Variants in RIMS2 observed in about 807,000 individuals in gnomAD.
The protein encoded by RIMS2 is regulating synaptic membrane exocytosis 2.
Under a neutral mutation model 174.4 loss-of-function variants are expected in RIMS2, and 59 were observed. The ratio of observed to expected loss-of-function variants is 0.34; its 90% CI spans 0.27 to 0.42. The LOEUF (loss-of-function observed/expected upper bound fraction) is 0.42, where lower values mean the gene tolerates loss of function less well. Ranked by LOEUF, RIMS2 falls within the 10% of genes least tolerant of loss-of-function variation. RIMS2 has a pLI of 1.00. For missense variants in RIMS2, 1,620 were observed against 1,666.3 expected (o/e 0.97, Z 0.48); for synonymous variants, 606 against 572.5 (o/e 1.06, Z -0.84).
At chr8:104,020,049 C>T (rs2096045508) in intron 19 of RIMS2, among the ~76,000 whole-genome samples, 1 of 151,988 alleles carries the variant, frequency 6.6e-6, no homozygotes. Context: ...TTTAAATTAA[C>T]ATAAAAGCAT....
intron 3 of RIMS2, among the ~76,000 whole-genome samples, chr8:103,796,687 A>G (rs1253408662): frequency 6.6e-6 from 1 of 152,216 alleles, no homozygotes. Context: ...ACAAATATTT[A>G]TTGAGTATTG....
At chr8:104,242,383 C>G (rs1177416516) in intron 19 of RIMS2, among the ~76,000 whole-genome samples, 1 of 152,122 alleles carries the variant, frequency 6.6e-6, no homozygotes. Context: ...CTAATCTCAT[C>G]TAATGTCAAA....
At chr8:103,785,216 C>G (rs919926204) in intron 3 of RIMS2, among the ~76,000 whole-genome samples, 1 of 147,028 alleles carries the variant, frequency 6.8e-6, no homozygotes, top group East Asian at 2.0e-4. Context: ...CATCTGCAAA[C>G]AGGGACAATT....
intron 1 of RIMS2, among the ~76,000 whole-genome samples, chr8:103,525,050 A>C (rs763096617): frequency 4.6e-5 from 7 of 152,228 alleles, no homozygotes; most frequent in Non-Finnish European, 7.3e-5. Flanking sequence ...ATAGTCTGAA[A>C]TAAGAGCAGG....
Position 103,611,427 on chromosome 8 carries a change from G to A in RIMS2, c.177-85659G>A, listed in dbSNP as rs879517393. Among the ~76,000 whole-genome samples the A allele has an allele frequency of 1.6e-4, 24 of 151,700 alleles. 2 individuals carry two copies. The highest frequency in any genetic ancestry group is 1.2e-3 in the Admixed American group (19 of 15,234). On this transcript the variant is annotated intron_variant, in intron 1 of 23. Coordinates refer to ENST00000504942, the Ensembl canonical transcript of RIMS2. ...TTGTGTTTTCAGATGATTTCTTCTT[G>A]CCCATTAACATTTGTGTTTTTCAGA...
intron 1 of RIMS2, among the ~76,000 whole-genome samples, chr8:103,513,249 G>T (rs574827732): frequency 1.3e-5 from 2 of 152,272 alleles, no homozygotes; most frequent in African/African-American, 4.8e-5. Context: ...TTTATGGTTA[G>T]TCTTGGATAG....
chr8:103,657,700 C>G (rs2096547740), intron 1 of RIMS2, among the ~76,000 whole-genome samples: 3 of 152,122 alleles, frequency 2.0e-5, no homozygotes, highest in Admixed American at 2.0e-4. Flanking sequence ...AGCAAACGTT[C>G]CTGCCCATGT....
chr8:104,252,079 G>C, downstream of RIMS2: 1 of 496,644 alleles, frequency 2.0e-6, no homozygotes, highest in Non-Finnish European at 3.6e-6. Context: ...CCAATCTGAA[G>C]CCATGGATTA....
intron 16 of RIMS2, among the ~76,000 whole-genome samples, chr8:103,982,438 T>TAA (rs57698633): frequency 4.1e-4 from 35 of 86,362 alleles, no homozygotes; most frequent in African/African-American, 1.3e-3. Flanking sequence ...CAAAGACACA[T>TAA]AAAAAAAAAA....
chr8:103,540,068 A>G lies in RIMS2; in HGVS notation c.176+39006A>G, dbSNP rs62527070. 1.9e-3 allele frequency among the ~76,000 whole-genome samples: 293 copies of G among 152,222 alleles called. 1 individual carries two copies. The highest frequency in any genetic ancestry group is 3.6e-3 in the Non-Finnish European group (248 of 68,012). On this transcript the variant is annotated intron_variant, in intron 1 of 23. Coordinates refer to ENST00000504942, the Ensembl canonical transcript of RIMS2. The stretch of plus-strand genomic sequence containing the variant: ...TCACAAGCATCATGTACTATTTCCA[A>G]TATGGCAGTGGGGTTGCCTGTGCCA...
chr8:103,629,692 C>G (rs531481595), intron 1 of RIMS2, among the ~76,000 whole-genome samples: 1 of 151,838 alleles, frequency 6.6e-6, no homozygotes, highest in East Asian at 1.9e-4. Context: ...ATGATTAATT[C>G]CAAATATTTT....
chr8:104,002,650 T>A (rs1243821623), intron 17 of RIMS2, among the ~76,000 whole-genome samples: 1 of 152,164 alleles, frequency 6.6e-6, no homozygotes, highest in Non-Finnish European at 1.5e-5. Flanking sequence ...AGTTGGGCCA[T>A]AGTTTGGCTA....
intron 19 of RIMS2, among the ~76,000 whole-genome samples, chr8:104,088,502 G>T (rs191088574): frequency 6.6e-5 from 10 of 152,038 alleles, no homozygotes; most frequent in Admixed American, 2.6e-4. Context: ...TGGTATTCAG[G>T]TATCCATGTA....
chr8:103,571,460 G>C (rs146970058), intron 1 of RIMS2, among the ~76,000 whole-genome samples: 2,023 of 152,188 alleles, frequency 0.013, 24 homozygotes, highest in Non-Finnish European at 0.02. Flanking sequence ...GAATAAAGCT[G>C]CTTTCCTTTT....
chr8:103,585,828 T>C (rs987763308), intron 1 of RIMS2, among the ~76,000 whole-genome samples: 9 of 151,688 alleles, frequency 5.9e-5, no homozygotes, highest in African/African-American at 2.2e-4. Flanking sequence ...CATACCACCA[T>C]GACACATGTA....
At chr8:103,969,782 C>G (rs759750091) in intron 15 of RIMS2, among the ~76,000 whole-genome samples, 17 of 152,084 alleles carry the variant, frequency 1.1e-4, no homozygotes, top group Non-Finnish European at 2.2e-4. Context: ...GGGACTCGCT[C>G]AGTCGCCCAG....
In RIMS2 at chr8:103,920,763, G is replaced by T. The variant is rs761443955; in HGVS notation, c.2084-909G>T. On this transcript the variant is annotated intron_variant, in intron 9 of 23. Coordinates refer to ENST00000504942, the Ensembl canonical transcript of RIMS2. ...CCAGCACTTTGGGAGGCCGAGGCGG[G>T]CGGATCACGAGGTCAGGAGATCGAG... is the stretch of plus-strand genomic sequence containing the variant. 19 of 451,900 alleles carry T rather than the reference G, an allele frequency of 4.2e-5. No homozygotes were observed. In the East Asian group the frequency reaches 1.3e-3, roughly 32 times the overall value. The allele number at this position is 451,900 out of a possible 1,614,324, so 28.0% of individuals were successfully genotyped here. A position where few individuals can be genotyped will look rare whatever the true frequency, so the allele number is the denominator to read the frequency against.
At chr8:104,176,080 A>G (rs2098890488) in intron 19 of RIMS2, among the ~76,000 whole-genome samples, 1 of 152,144 alleles carries the variant, frequency 6.6e-6, no homozygotes, top group Non-Finnish European at 1.5e-5. Context: ...AGCAGGAATT[A>G]TAACAATCTC....
intron 19 of RIMS2, among the ~76,000 whole-genome samples, chr8:104,173,613 ATTTTTTTTTTTTTTT>A (rs71297262): frequency 3.7e-5 from 2 of 54,198 alleles, no homozygotes; most frequent in African/African-American, 1.7e-4. Flanking sequence ...AGCTCTTCTG[ATTTTTTTTTTTTTTT>A]TTTTTTTTTT....
Sources: gnomAD v4.1 joint callset for allele counts (sites outside exome capture counted in the v4.1 genomes callset) on GRCh38, gnomAD v4.1.1 for gene constraint, MANE v1.5 for transcripts, NCBI Gene and HGNC (gene_info 2026-07-23, HGNC 2026-07-21) for gene names.